CPA6: variants seen among roughly 807,000 people sequenced by gnomAD.
The protein encoded by CPA6 is carboxypeptidase B.
Under a neutral mutation model 63.3 loss-of-function variants are expected in CPA6, and 58 were observed. The observed-to-expected ratio is 0.92, with a 90% CI of 0.74 to 1.14. The LOEUF is 1.14. Ranked by LOEUF, CPA6 falls within the 50% of genes most tolerant of loss-of-function variation. The pLI, the probability that CPA6 is intolerant of heterozygous loss-of-function variation, is 0.00. For synonymous variants in CPA6, 185 were observed against 179.0 expected (o/e 1.03, Z -0.27); for missense variants, 565 against 526.6 (o/e 1.07, Z -0.71).
In CPA6 at chr8:67,746,037, G is replaced by T; in HGVS notation, c.93C>A (p.His31Gln). ...ACCCAGCATAGCGGTTGTTATAAAG[G>T]TGGCTGTGCCCCGGTTGCAGAATCT... The part of the protein sequence containing the change: ...FLKILQPGHS[H>Q]LYNNRYAGDK... The change falls in exon 1 of 11, where the codon CAC (histidine) becomes CAA (glutamine). Residue 31 changes from histidine (H) to glutamine (Q), a missense_variant. Transcript: ENST00000297770. 3 of 1,613,650 alleles carry T rather than the reference G, an allele frequency of 1.9e-6. No individual in the cohort carries two copies. The South Asian group carries it at 3.3e-5, about 18-fold the overall frequency.
At chr8:67,640,577 C>T (rs1815568488) in intron 1 of CPA6, among the ~76,000 whole-genome samples, 1 of 151,408 alleles carries the variant, frequency 6.6e-6, no homozygotes, top group Non-Finnish European at 1.5e-5. Context: ...GGTTGGGCGA[C>T]TGTTGCTGTG....
intron 2 of CPA6, among the ~76,000 whole-genome samples, chr8:67,588,954 T>C (rs1814025352): frequency 6.6e-6 from 1 of 151,940 alleles, no homozygotes; most frequent in Non-Finnish European, 1.5e-5. Context: ...CTGTTTCTAT[T>C]AAAAATACAA....
intron 9 of CPA6, 90 bp from the exon 10 acceptor site, chr8:67,428,221 C>T: frequency 1.5e-6 from 1 of 689,434 alleles, no homozygotes; most frequent in Non-Finnish European, 2.6e-6. Context: ...CGATCATCAC[C>T]AGATGGCTTC....
At chr8:67,673,681 T>A (rs1180294968) in intron 1 of CPA6, among the ~76,000 whole-genome samples, 1 of 151,980 alleles carries the variant, frequency 6.6e-6, no homozygotes, top group African/African-American at 2.4e-5. Flanking sequence ...TGTGAGCCAC[T>A]GCGCCTGGCC....
chr8:67,703,184 C>A (rs1817061030), intron 1 of CPA6, among the ~76,000 whole-genome samples: 1 of 152,144 alleles, frequency 6.6e-6, no homozygotes. Flanking sequence ...CAGTTTCTTT[C>A]TTGACTTTCA....
rs766631392 is a variant in CPA6 at position 67,664,174 on chromosome 8, G to A, written c.117-39923C>T. ...AAGTTTAGACATTTTCTCTTCAAGC[G>A]ACCAGCAGAAACTAAGACTGCCATT... On this transcript the variant is annotated intron_variant, in intron 1 of 10. Coordinates refer to ENST00000297770, the MANE Select transcript of CPA6 (RefSeq NM_020361.5). 5.9e-5 allele frequency among the ~76,000 whole-genome samples: 9 copies of A among 152,246 alleles called. No individual in the cohort carries two copies. The East Asian group carries it at 9.7e-4, about 16-fold the overall frequency.
At chr8:67,698,254 T>C (rs1218305801) in intron 1 of CPA6, among the ~76,000 whole-genome samples, 1 of 152,150 alleles carries the variant, frequency 6.6e-6, no homozygotes, top group Non-Finnish European at 1.5e-5. Context: ...TAACCTGATA[T>C]AAAAATGCTG....
chr8:67,530,818 C>G (rs749995513), intron 2 of CPA6, among the ~76,000 whole-genome samples: 12 of 152,124 alleles, frequency 7.9e-5, no homozygotes, highest in Non-Finnish European at 1.5e-4. Context: ...GGAAAAAAGT[C>G]TACACACCAG....
chr8:67,645,151 A>T (rs1815687555), intron 1 of CPA6, among the ~76,000 whole-genome samples: 1 of 152,208 alleles, frequency 6.6e-6, no homozygotes, highest in African/African-American at 2.4e-5. Context: ...GTAGGACTTC[A>T]TGTCTTTCTC....
At chr8:67,621,731 T>C (rs964324548) in intron 2 of CPA6, among the ~76,000 whole-genome samples, 2 of 152,006 alleles carry the variant, frequency 1.3e-5, no homozygotes, top group Non-Finnish European at 2.9e-5. Flanking sequence ...AATATTAAGC[T>C]TCTTTCTTCC....
intron 8 of CPA6, among the ~76,000 whole-genome samples, chr8:67,447,788 T>C (rs1810462824): frequency 6.6e-6 from 1 of 152,128 alleles, no homozygotes; most frequent in Non-Finnish European, 1.5e-5. Context: ...CTTCCTTTTT[T>C]TTCTTTTTTC....
intron 1 of CPA6, among the ~76,000 whole-genome samples, chr8:67,705,783 G>A (rs569410110): frequency 3.0e-4 from 45 of 152,268 alleles, no homozygotes; most frequent in African/African-American, 9.1e-4. Flanking sequence ...AAATCTAACT[G>A]AGCAATCTCT....
chr8:67,484,656 A>G, intron 7 of CPA6, 23 bp downstream of exon 7: 1 of 1,256,822 alleles, frequency 8.0e-7, no homozygotes, highest in Middle Eastern at 1.9e-4. Context: ...CCTCTTTTCA[A>G]CTGGGTAGGC....
intron 1 of CPA6, among the ~76,000 whole-genome samples, chr8:67,731,909 C>G (rs1817712664): frequency 6.6e-6 from 1 of 152,186 alleles, no homozygotes; most frequent in East Asian, 1.9e-4. Context: ...CCTACAATTT[C>G]AGATGACTTC....
At chr8:67,675,211 C>A (rs550162562) in intron 1 of CPA6, among the ~76,000 whole-genome samples, 1 of 152,252 alleles carries the variant, frequency 6.6e-6, no homozygotes, top group Admixed American at 6.5e-5. Context: ...AAAAAAATCT[C>A]CTAAACAAAG....
At position 67,506,823 on chromosome 8, in the gene CPA6, C is replaced by A; in HGVS notation, c.600G>T (p.Trp200Cys). ...ACCACTGACAAAAGGCAGGACCAATCCATTCTCTTGCATGAATACCACAGT... is the reference window on the plus strand; with the variant it reads ...ACCACTGACAAAAGGCAGGACCAATACATTCTCTTGCATGAATACCACAGT... Reference protein sequence around the residue: ...WIDCGIHAREWIGPAFCQWFV... With the variant: ...WIDCGIHARECIGPAFCQWFV... Residue 200 changes from tryptophan (W) to cysteine (C), a missense_variant, in exon 6 of 11, where the codon TGG (tryptophan) becomes TGT (cysteine). Trp to Cys is a radical substitution (Grantham distance 215). Coordinates refer to ENST00000297770, the MANE Select transcript of CPA6 (RefSeq NM_020361.5). 1 of 1,613,404 alleles carries A rather than the reference C, an allele frequency of 6.2e-7. No individual in the cohort carries two copies.
chr8:67,699,462 G>A (rs959597424), intron 1 of CPA6, among the ~76,000 whole-genome samples: 2 of 151,482 alleles, frequency 1.3e-5, no homozygotes, highest in East Asian at 1.9e-4. Context: ...CAGGAGGGGG[G>A]GATGTTACCT....
chr8:67,422,622 A>G lies in CPA6; in HGVS notation c.1196T>C (p.Leu399Pro). 1 of 1,614,138 alleles carries G rather than the reference A, an allele frequency of 6.2e-7. No individual in the cohort carries two copies. Among genetic ancestry groups the G allele is most frequent in the East Asian group, 2.2e-5 (1 of 44,884 alleles). The change falls in exon 11 of 11, where the codon CTA (leucine) becomes CCA (proline). Residue 399 changes from leucine to proline, a missense_variant. Coordinates refer to ENST00000297770, the MANE Select transcript of CPA6 (RefSeq NM_020361.5). The stretch of plus-strand genomic sequence containing the variant: ...AAATCCAAAATATCCAGTGTCACGT[A>G]GTTCGAAAGCAAATGCATAAGGTAT... Reference protein sequence around the residue: ...NGIPYAFAFELRDTGYFGFLL... With the variant: ...NGIPYAFAFEPRDTGYFGFLL...
intron 1 of CPA6, among the ~76,000 whole-genome samples, chr8:67,733,163 C>A (rs945979212): frequency 7.8e-6 from 1 of 127,844 alleles, no homozygotes; most frequent in African/African-American, 2.9e-5. Flanking sequence ...CACCACTGCA[C>A]TCCAGCCTGG....
Sources: allele counts gnomAD v4.1 joint callset (sites outside exome capture counted in the v4.1 genomes callset), GRCh38; gene constraint gnomAD v4.1.1; transcripts MANE v1.5; gene names NCBI Gene and HGNC (gene_info 2026-07-23, HGNC 2026-07-21).